LURAP1L: variants seen among roughly 807,000 people sequenced by gnomAD.
LURAP1L encodes the protein leucine rich adaptor protein 1-like.
A neutral mutation model predicts 13.8 loss-of-function variants in LURAP1L; 12 were observed. The ratio of observed to expected loss-of-function variants is 0.87; its 90% confidence interval spans 0.56 to 1.41. The LOEUF (loss-of-function observed/expected upper bound fraction) is 1.41, where lower values mean the gene tolerates loss of function less well. LURAP1L is among the 40% of genes most tolerant of loss of function. The pLI, the probability that LURAP1L is intolerant of heterozygous loss-of-function variation, is 0.00. For synonymous variants in LURAP1L, 139 were observed against 119.2 expected (o/e 1.17, Z -1.08); for missense variants, 375 against 292.9 (o/e 1.28, Z -2.04).
At chr9:12,796,774 T>C (rs1819516875) in intron 1 of LURAP1L, among the ~76,000 whole-genome samples, 2 of 152,050 alleles carry the variant, frequency 1.3e-5, no homozygotes, top group African/African-American at 4.8e-5. Flanking sequence ...CATGTGAACT[T>C]CAGAGCCAAG....
chr9:12,809,194 G>C (rs1429531029), intron 1 of LURAP1L, among the ~76,000 whole-genome samples: 3 of 152,140 alleles, frequency 2.0e-5, no homozygotes, highest in Non-Finnish European at 2.9e-5. Flanking sequence ...CCTCCTACCA[G>C]GCCCCACCTC....
At chr9:12,787,173 C>T (rs909815774) in intron 1 of LURAP1L, among the ~76,000 whole-genome samples, 2 of 152,110 alleles carry the variant, frequency 1.3e-5, no homozygotes, top group African/African-American at 4.8e-5. Flanking sequence ...AGAGATGATT[C>T]TATGATGTCT....
At chr9:12,812,540 G>GCA (rs1235713202) in intron 1 of LURAP1L, among the ~76,000 whole-genome samples, 1 of 152,168 alleles carries the variant, frequency 6.6e-6, no homozygotes, top group Non-Finnish European at 1.5e-5. Context: ...GTTTACTAAA[G>GCA]CACTACTGGG....
At chr9:12,816,060 G>A (rs576790093) in intron 1 of LURAP1L, among the ~76,000 whole-genome samples, 6 of 152,188 alleles carry the variant, frequency 3.9e-5, no homozygotes, top group East Asian at 3.9e-4. Flanking sequence ...TTCTCATAAC[G>A]TAAACAATTT....
At chr9:12,779,289 T>A (rs1387851639) in intron 1 of LURAP1L, among the ~76,000 whole-genome samples, 2 of 146,126 alleles carry the variant, frequency 1.4e-5, no homozygotes, top group African/African-American at 5.1e-5. Flanking sequence ...TTTTTTTTTT[T>A]TTTGAGACGG....
rs548270052 is a variant in LURAP1L at position 12,815,402 on chromosome 9, A to G, written c.313-5984A>G. On this transcript the variant is annotated intron_variant, in intron 1 of 1. Transcript: ENST00000319264. The stretch of plus-strand genomic sequence containing the variant: ...ATAGAAAAGAGGCCCTGACAGAACT[A>G]AACTCTCTTCCACCAACTACAAATC... Among the ~76,000 whole-genome samples the G allele has an allele frequency of 3.6e-3, 541 of 152,324 alleles. 3 individuals carry two copies. The highest frequency in any genetic ancestry group is 0.013 in the African/African-American group (528 of 41,580).
At chr9:12,808,012 T>C (rs1819684343) in intron 1 of LURAP1L, among the ~76,000 whole-genome samples, 1 of 152,182 alleles carries the variant, frequency 6.6e-6, no homozygotes, top group Non-Finnish European at 1.5e-5. Context: ...TTCTCTCTTG[T>C]CTCTTATAAA....
intron 1 of LURAP1L, among the ~76,000 whole-genome samples, chr9:12,807,674 A>C (rs950981179): frequency 1.3e-5 from 2 of 152,200 alleles, no homozygotes; most frequent in African/African-American, 4.8e-5. Flanking sequence ...ATTCACATTT[A>C]AAGTGATTGA....
At chr9:12,804,854 A>G (rs908937458) in intron 1 of LURAP1L, among the ~76,000 whole-genome samples, 4 of 151,984 alleles carry the variant, frequency 2.6e-5, no homozygotes, top group Admixed American at 6.6e-5. Flanking sequence ...CTTTTTTCAT[A>G]CTTGTCAGGT....
intron 1 of LURAP1L, among the ~76,000 whole-genome samples, chr9:12,792,092 C>A (rs750487747): frequency 5.9e-5 from 9 of 151,976 alleles, no homozygotes; most frequent in Non-Finnish European, 1.2e-4. Flanking sequence ...TGGATTAATG[C>A]CAGAAATTCA....
chr9:12,788,892 T>A (rs1325466094), intron 1 of LURAP1L, among the ~76,000 whole-genome samples: 4 of 148,840 alleles, frequency 2.7e-5, no homozygotes, highest in African/African-American at 9.9e-5. Context: ...CGAGACCCTA[T>A]ATCTATATAT....
chr9:12,799,371 G>C (rs960060751), intron 1 of LURAP1L, among the ~76,000 whole-genome samples: 6 of 152,076 alleles, frequency 3.9e-5, no homozygotes, highest in African/African-American at 1.4e-4. Context: ...TAATTTTTCA[G>C]AGTAATACAT....
At chr9:12,820,278 G>A (rs1422996227) in intron 1 of LURAP1L, among the ~76,000 whole-genome samples, 3 of 152,148 alleles carry the variant, frequency 2.0e-5, no homozygotes, top group Non-Finnish European at 4.4e-5. Context: ...GCCGAGGCGG[G>A]CGGATCACGC....
intron 1 of LURAP1L, among the ~76,000 whole-genome samples, chr9:12,812,215 T>C (rs1417867953): frequency 1.3e-5 from 2 of 152,184 alleles, no homozygotes; most frequent in African/African-American, 2.4e-5. Flanking sequence ...TACGTAAGGA[T>C]GTAGATACCA....
chr9:12,788,958 T>C (rs992216072), intron 1 of LURAP1L, among the ~76,000 whole-genome samples: 1 of 151,234 alleles, frequency 6.6e-6, no homozygotes, highest in South Asian at 2.1e-4. Flanking sequence ...TCCCAGCTTC[T>C]CAGGAGGCAG....
chr9:12,817,961 C>G (rs1160607862), intron 1 of LURAP1L, among the ~76,000 whole-genome samples: 1 of 151,958 alleles, frequency 6.6e-6, no homozygotes, highest in Non-Finnish European at 1.5e-5. Context: ...ACTGACGTGC[C>G]CAGCGCTCCC....
intron 1 of LURAP1L, among the ~76,000 whole-genome samples, chr9:12,805,318 A>T (rs1819641382): frequency 6.6e-6 from 1 of 152,164 alleles, no homozygotes; most frequent in South Asian, 2.1e-4. Context: ...TTTACTGAAG[A>T]CACATTGTAA....
At chr9:12,817,544 G>T (rs1049833511) in intron 1 of LURAP1L, among the ~76,000 whole-genome samples, 6 of 152,166 alleles carry the variant, frequency 3.9e-5, no homozygotes, top group Non-Finnish European at 8.8e-5. Flanking sequence ...CATGGGTATT[G>T]CATATTATGA....
At chr9:12,788,576 G>A (rs1182102512) in intron 1 of LURAP1L, among the ~76,000 whole-genome samples, 3 of 151,980 alleles carry the variant, frequency 2.0e-5, no homozygotes, top group African/African-American at 2.4e-5. Context: ...GCCAATAATG[G>A]CAAATATGTT....
Sources: allele counts gnomAD v4.1 joint callset (sites outside exome capture counted in the v4.1 genomes callset), GRCh38; gene constraint gnomAD v4.1.1; transcripts MANE v1.5; gene names NCBI Gene and HGNC (gene_info 2026-07-23, HGNC 2026-07-21).